Variants in SULF1 observed in about 807,000 individuals in gnomAD.
SULF1 encodes the protein extracellular sulfatase Sulf-1.
SULF1 carries 46 observed loss-of-function variants against 110.5 expected under a neutral mutation model. The ratio of observed to expected loss-of-function variants is 0.42; its 90% CI spans 0.33 to 0.53. The LOEUF (loss-of-function observed/expected upper bound fraction) is 0.53. SULF1 is among the 20% of genes least tolerant of loss of function. The pLI is 0.12. For synonymous variants in SULF1, 371 were observed against 387.1 expected, an observed-to-expected ratio of 0.96 and a Z score of 0.49; for missense variants, 941 against 1,094.2, an observed-to-expected ratio of 0.86 and a Z score of 1.98.
intron 1 of SULF1, among the ~76,000 whole-genome samples, chr8:69,467,921 C>A (rs1483024286): frequency 1.3e-5 from 2 of 152,014 alleles, no homozygotes; most frequent in East Asian, 3.9e-4. Flanking sequence ...AAAGCACCCA[C>A]CAATATTGAA....
chr8:69,557,788 C>T (rs1339958624), intron 3 of SULF1, among the ~76,000 whole-genome samples: 1 of 152,202 alleles, frequency 6.6e-6, no homozygotes, highest in African/African-American at 2.4e-5. Flanking sequence ...TCAAGATTCA[C>T]AGTGTTGTGT....
chr8:69,606,267 A>G (rs1160347506), intron 13 of SULF1, among the ~76,000 whole-genome samples: 1 of 152,204 alleles, frequency 6.6e-6, no homozygotes, highest in African/African-American at 2.4e-5. Context: ...GGCTAAAACT[A>G]AGCCTTCACT....
intron 6 of SULF1, among the ~76,000 whole-genome samples, chr8:69,580,948 T>C (rs1328759956): frequency 6.6e-6 from 1 of 152,224 alleles, no homozygotes; most frequent in East Asian, 1.9e-4. Context: ...ATTTTTTAAA[T>C]GTAGAGTTCA....
intron 2 of SULF1, among the ~76,000 whole-genome samples, chr8:69,497,155 CTTTTTTTT>C (rs5892193): frequency 3.3e-5 from 4 of 121,710 alleles, no homozygotes; most frequent in South Asian, 2.7e-4. Context: ...GTTCTTTTCT[CTTTTTTTT>C]TTTTTTTTTT....
chr8:69,504,448 A>T (rs1213376348), intron 3 of SULF1, among the ~76,000 whole-genome samples: 1 of 152,038 alleles, frequency 6.6e-6, no homozygotes, highest in Non-Finnish European at 1.5e-5. Flanking sequence ...CCAGCTTATC[A>T]AGAGGCTAAG....
rs1382031142 is a variant in SULF1 at position 69,495,792 on chromosome 8, A to G, written c.-363A>G. Reference sequence around the variant, plus strand: ...ATTCTTCACTTCTCTTGAACAAGGAACTCACTCAGAGACTAACACAAAGGA... The same window carrying G: ...ATTCTTCACTTCTCTTGAACAAGGAGCTCACTCAGAGACTAACACAAAGGA... On this transcript the variant is annotated 5_prime_UTR_variant, in exon 2 of 23. Transcript: ENST00000402687. 1 of 152,172 alleles carries G rather than the reference A, an allele frequency of 6.6e-6. No individual in the cohort carries two copies. Among genetic ancestry groups the G allele is most frequent in the Non-Finnish European group, 1.5e-5 (1 of 68,024 alleles). 9.4% of individuals were successfully genotyped at this position (152,172 alleles called of 1,614,324 possible).
At chr8:69,584,177 G>T (rs1806281815) in intron 6 of SULF1, among the ~76,000 whole-genome samples, 1 of 152,202 alleles carries the variant, frequency 6.6e-6, no homozygotes. Flanking sequence ...TTAACCAGTG[G>T]CAATCGAAGT....
At chr8:69,552,913 G>T (rs1214416663) in intron 3 of SULF1, among the ~76,000 whole-genome samples, 1 of 152,232 alleles carries the variant, frequency 6.6e-6, no homozygotes, top group Non-Finnish European at 1.5e-5. Flanking sequence ...ATAAAAGGGA[G>T]AATTTCCTAA....
chr8:69,643,009 T>C (rs966864249), intron 22 of SULF1, among the ~76,000 whole-genome samples: 17 of 152,042 alleles, frequency 1.1e-4, no homozygotes, highest in Admixed American at 5.9e-4. Context: ...GCTTTTTTTT[T>C]CCCCCTTCTA....
chr8:69,611,368 A>T (rs1586545743), intron 13 of SULF1, among the ~76,000 whole-genome samples: 1 of 152,326 alleles, frequency 6.6e-6, no homozygotes, highest in Middle Eastern at 3.4e-3. Flanking sequence ...GATTATCTAG[A>T]TTAAAATCTA....
intron 3 of SULF1, among the ~76,000 whole-genome samples, chr8:69,551,353 C>T (rs1278658163): frequency 6.6e-6 from 1 of 152,184 alleles, no homozygotes; most frequent in East Asian, 1.9e-4. Context: ...AGAATTTGAG[C>T]AACCTTACTC....
chr8:69,475,446 G>T (rs925755481), intron 1 of SULF1, among the ~76,000 whole-genome samples: 2 of 152,016 alleles, frequency 1.3e-5, no homozygotes, highest in African/African-American at 4.8e-5. Context: ...TCCCATCGAC[G>T]CAGTGGGAAT....
intron 8 of SULF1, 81 bp from the exon 9 acceptor site, chr8:69,600,522 G>A (rs2130385077): frequency 7.3e-7 from 1 of 1,360,670 alleles, no homozygotes; most frequent in Non-Finnish European, 1.0e-6. Context: ...TCTCCTTAAT[G>A]ATTATTTCAC....
chr8:69,655,718 T>C (rs1314917956), intron 22 of SULF1, among the ~76,000 whole-genome samples: 1 of 152,174 alleles, frequency 6.6e-6, no homozygotes, highest in African/African-American at 2.4e-5. Flanking sequence ...TAAATCCCTG[T>C]TATCTTATTT....
intron 7 of SULF1, among the ~76,000 whole-genome samples, chr8:69,587,620 C>T (rs1196300892): frequency 6.6e-6 from 1 of 152,178 alleles, no homozygotes; most frequent in African/African-American, 2.4e-5. Context: ...GTGGCTCAAC[C>T]ACTCATCCTA....
At chr8:69,514,408 C>T (rs1315421980) in intron 3 of SULF1, among the ~76,000 whole-genome samples, 2 of 152,070 alleles carry the variant, frequency 1.3e-5, no homozygotes, top group Non-Finnish European at 2.9e-5. Flanking sequence ...CATGGAACAG[C>T]AAGGGGGAAA....
intron 22 of SULF1, among the ~76,000 whole-genome samples, chr8:69,650,969 T>G (rs1265374191): frequency 6.6e-6 from 1 of 152,138 alleles, no homozygotes; most frequent in Non-Finnish European, 1.5e-5. Flanking sequence ...AAATTGCTGC[T>G]GAGGTGTCTT....
chr8:69,527,219 T>C (rs1405059991), intron 3 of SULF1, among the ~76,000 whole-genome samples: 1 of 152,094 alleles, frequency 6.6e-6, no homozygotes, highest in Non-Finnish European at 1.5e-5. Context: ...ATTCAGAGCT[T>C]CATTTTAACG....
At position 69,607,827 on chromosome 8, in the gene SULF1, G is replaced by A. The variant is rs766456248; in HGVS notation, c.1377+2895G>A. Reference sequence around the variant, plus strand: ...AATTGTTCAGGTTCGAGGTGGCAGCGGAGGCTAGAACTGACCTGCTTGGAA... The same window carrying A: ...AATTGTTCAGGTTCGAGGTGGCAGCAGAGGCTAGAACTGACCTGCTTGGAA... On this transcript the variant is annotated intron_variant, in intron 13 of 22. Transcript: ENST00000402687. 3.9e-5 allele frequency among the ~76,000 whole-genome samples: 6 copies of A among 152,272 alleles called. No homozygotes were observed. The East Asian group carries it at 7.7e-4, about 20-fold the overall frequency.
Sources: allele counts gnomAD v4.1 joint callset (sites outside exome capture counted in the v4.1 genomes callset), GRCh38; gene constraint gnomAD v4.1.1; transcripts MANE v1.5; gene names NCBI Gene and HGNC (gene_info 2026-07-23, HGNC 2026-07-21).